The following CNTLN variants were observed in gnomAD, a reference collection of about 807,000 sequenced individuals.
The protein encoded by CNTLN is centlein.
A neutral mutation model predicts 180.0 loss-of-function variants in CNTLN; 212 were observed. That is an observed-to-expected ratio of 1.18 (90% CI 1.05 to 1.32). CNTLN has a LOEUF of 1.32. CNTLN is among the 40% of genes most tolerant of loss of function. The pLI is 0.00. For synonymous variants in CNTLN, 722 were observed against 563.1 expected (o/e 1.28, Z -3.99); for missense variants, 2,095 against 1,610.9 (o/e 1.30, Z -5.14).
At chr9:17,369,110 A>G (rs953732017) in intron 13 of CNTLN, among the ~76,000 whole-genome samples, 1 of 152,142 alleles carries the variant, frequency 6.6e-6, no homozygotes, top group Non-Finnish European at 1.5e-5. Flanking sequence ...GGTGGAGGTA[A>G]TTGAATCATG....
chr9:17,466,755 C>A lies in CNTLN; in HGVS notation c.3719C>A (p.Ala1240Glu). 1 of 1,610,516 alleles carries A rather than the reference C, an allele frequency of 6.2e-7. No individual in the cohort carries two copies. Among genetic ancestry groups the A allele is most frequent in the Non-Finnish European group, 8.5e-7 (1 of 1,177,730 alleles). The change falls in exon 23 of 26, where the codon GCA (alanine) becomes GAA (glutamate). Residue 1240 changes from alanine to glutamate, a missense_variant. Coordinates refer to ENST00000380647, the MANE Select transcript of CNTLN (RefSeq NM_017738.4). ...TCAAGAATAAGTGAGACTGAATCTG[C>A]AATGGCAGAAATTGAAACAGCAGCA... is the stretch of plus-strand genomic sequence containing the variant. ...LVSRISETES[A>E]MAEIETAASK...
At chr9:17,231,045 G>A (rs1014227401) in intron 3 of CNTLN, among the ~76,000 whole-genome samples, 2 of 152,002 alleles carry the variant, frequency 1.3e-5, no homozygotes, top group African/African-American at 4.8e-5. Flanking sequence ...TGGGAGCGTT[G>A]GTTTGCTGGA....
At chr9:17,255,125 C>T (rs1209828738) in intron 5 of CNTLN, among the ~76,000 whole-genome samples, 3 of 151,732 alleles carry the variant, frequency 2.0e-5, no homozygotes, top group South Asian at 4.1e-4. Context: ...TACATGCCAT[C>T]AGCAACAAGA....
At chr9:17,386,716 G>A (rs532162267) in intron 13 of CNTLN, among the ~76,000 whole-genome samples, 2 of 152,274 alleles carry the variant, frequency 1.3e-5, no homozygotes, top group East Asian at 3.9e-4. Flanking sequence ...GAGCAAACAA[G>A]CAGCACACAA....
chr9:17,341,988 G>A (rs762582743), intron 11 of CNTLN, among the ~76,000 whole-genome samples: 1 of 152,096 alleles, frequency 6.6e-6, no homozygotes, highest in Non-Finnish European at 1.5e-5. Flanking sequence ...TTCCAGATGA[G>A]TTGGTTGCAT....
At chr9:17,522,231 G>A in the CNTLN span, among the ~76,000 whole-genome samples, 1 of 152,152 alleles carries the variant, frequency 6.6e-6, no homozygotes, top group African/African-American at 2.4e-5. Context: ...CTAAATAAAT[G>A]TCAGTTGCCT....
intron 2 of CNTLN, among the ~76,000 whole-genome samples, chr9:17,159,303 T>A (rs1318249386): frequency 6.6e-6 from 1 of 152,214 alleles, no homozygotes; most frequent in African/African-American, 2.4e-5. Context: ...GGCCTTGTTT[T>A]ACATACTGCT....
chr9:17,321,619 C>G (rs1819918482), intron 8 of CNTLN, among the ~76,000 whole-genome samples: 1 of 152,078 alleles, frequency 6.6e-6, no homozygotes, highest in Non-Finnish European at 1.5e-5. Flanking sequence ...ATTTTCTTGC[C>G]AGAGGGTCTG....
At chr9:17,314,220 A>G (rs1039694495) in intron 8 of CNTLN, among the ~76,000 whole-genome samples, 3 of 151,750 alleles carry the variant, frequency 2.0e-5, no homozygotes, top group Admixed American at 6.6e-5. Context: ...TAAAATCCGT[A>G]TTTTCCTTCT....
intron 8 of CNTLN, 88 bp downstream of exon 8, chr9:17,309,340 T>G: frequency 1.0e-6 from 1 of 998,118 alleles, no homozygotes. Flanking sequence ...AATTTAAATA[T>G]ATTTGCATTT....
chr9:17,395,026 G>C lies in CNTLN; in HGVS notation c.2572G>C (p.Glu858Gln). The change falls in exon 15 of 26, where the codon GAG becomes CAG. Residue 858 changes from glutamate to glutamine, a missense_variant. Physicochemically the swap from Glu to Gln is conservative, Grantham distance 29 (BLOSUM62 2). Coordinates refer to ENST00000380647, the MANE Select transcript of CNTLN (RefSeq NM_017738.4). The part of the protein sequence containing the change: ...HSIKVMSNVF[E>Q]NLSKDGWEDV... ...CATCAAGGTTATGAGCAATGTGTTT[G>C]AGAACCTCAGCAAGGACGGCTGGGA... 6.2e-7 allele frequency: 1 copy of C among 1,612,926 alleles called. No individual in the cohort carries two copies. Among genetic ancestry groups the C allele is most frequent in the Non-Finnish European group, 8.5e-7 (1 of 1,179,146 alleles).
At chr9:17,136,351 T>G (rs1421027461) in intron 1 of CNTLN, among the ~76,000 whole-genome samples, 2 of 152,168 alleles carry the variant, frequency 1.3e-5, no homozygotes, top group African/African-American at 4.8e-5. Context: ...AAACAGTTCA[T>G]GAAATTCATT....
intron 15 of CNTLN, among the ~76,000 whole-genome samples, chr9:17,397,769 A>G (rs1345603706): frequency 6.6e-6 from 1 of 152,142 alleles, no homozygotes; most frequent in African/African-American, 2.4e-5. Context: ...ACATACTTTG[A>G]GAGACATATC....
chr9:17,467,011 C>T (rs1831792462), intron 23 of CNTLN, 120 bp downstream of exon 23: 2 of 589,964 alleles, frequency 3.4e-6, no homozygotes, highest in Non-Finnish European at 5.8e-6. Context: ...AAAGCATCTT[C>T]TTCTACCCTA....
chr9:17,457,267 T>C (rs531889417), intron 18 of CNTLN, among the ~76,000 whole-genome samples: 3 of 152,076 alleles, frequency 2.0e-5, no homozygotes, highest in East Asian at 1.9e-4. Flanking sequence ...AAAGAAATAG[T>C]GCATCATGAG....
chr9:17,264,961 A>T (rs999258291), intron 5 of CNTLN, among the ~76,000 whole-genome samples: 1 of 145,242 alleles, frequency 6.9e-6, no homozygotes, highest in African/African-American at 2.6e-5. Context: ...GGGGTTTTCT[A>T]GATATAGAAT....
Position 17,157,576 on chromosome 9 carries a change from T to A in CNTLN, c.449+14200T>A, listed in dbSNP as rs904253880. ...TTGGATGTGTTTGTGACAGTGCTTC[T>A]GGAAGAGATTAGCGTTTGAATTGAT... On this transcript the variant is annotated intron_variant, in intron 2 of 25. Coordinates refer to ENST00000380647, the MANE Select transcript of CNTLN (RefSeq NM_017738.4). Among the ~76,000 whole-genome samples the A allele has an allele frequency of 3.5e-4, 53 of 152,220 alleles. 1 individual carries two copies. The highest frequency in any genetic ancestry group is 3.4e-3 in the Admixed American group (52 of 15,288).
chr9:17,443,408 A>G (rs1284502784), intron 18 of CNTLN, among the ~76,000 whole-genome samples: 1 of 152,198 alleles, frequency 6.6e-6, no homozygotes, highest in Non-Finnish European at 1.5e-5. Context: ...AATAGCAGGT[A>G]TTGTGTGGTA....
At chr9:17,232,669 A>T (rs1224145741) in intron 3 of CNTLN, among the ~76,000 whole-genome samples, 2 of 152,056 alleles carry the variant, frequency 1.3e-5, no homozygotes, top group African/African-American at 4.8e-5. Context: ...TTTAGTGTCA[A>T]TTTCATCTGT....
Sources: gnomAD v4.1 joint callset for allele counts (sites outside exome capture counted in the v4.1 genomes callset) on GRCh38, gnomAD v4.1.1 for gene constraint, MANE v1.5 for transcripts, NCBI Gene and HGNC (gene_info 2026-07-23, HGNC 2026-07-21) for gene names.